OR1J2: variants seen among roughly 807,000 people sequenced by gnomAD.
OR1J2 encodes the protein olfactory receptor family 1 subfamily J member 2.
For synonymous variants in OR1J2, 142 were observed against 99.7 expected (o/e 1.42, Z -2.52); for missense variants, 304 against 246.1 (o/e 1.24, Z -1.57).
At chr9:122,508,184 G>A (rs1320661082), upstream of OR1J2, among the ~76,000 whole-genome samples, 1 of 111,000 alleles carries the variant, frequency 9.0e-6, no homozygotes, top group Admixed American at 8.5e-5. Flanking sequence ...AGGAGAAGGG[G>A]AAGAAGAAGA....
At chr9:122,529,468 T>C in the OR1J2 span, among the ~76,000 whole-genome samples, 2 of 152,094 alleles carry the variant, frequency 1.3e-5, no homozygotes, top group African/African-American at 4.8e-5. Context: ...TCTATGGAGG[T>C]TCTTTGATCT....
At chr9:122,577,936 A>G in the OR1J2 span, among the ~76,000 whole-genome samples, 5 of 152,230 alleles carry the variant, frequency 3.3e-5, no homozygotes, top group Admixed American at 6.5e-5. Flanking sequence ...TATATTGTCT[A>G]TGACCTAGTC....
the OR1J2 span, chr9:122,526,402 C>T: frequency 6.6e-7 from 1 of 1,509,702 alleles, no homozygotes; most frequent in Non-Finnish European, 8.8e-7. Context: ...CTCTTTAGGG[C>T]CCCCTTCATG....
chr9:122,553,839 C>T, the OR1J2 span: 2 of 1,614,084 alleles, frequency 1.2e-6, no homozygotes, highest in Non-Finnish European at 1.7e-6. Flanking sequence ...CTTGCTGTTC[C>T]TCACTGTTCC....
chr9:122,526,109 C>T, the OR1J2 span, among the ~76,000 whole-genome samples: 7 of 152,232 alleles, frequency 4.6e-5, no homozygotes, highest in South Asian at 2.1e-4. Flanking sequence ...AATAGCTATC[C>T]CTTATTGAAC....
the OR1J2 span, among the ~76,000 whole-genome samples, chr9:122,533,626 A>C: frequency 6.6e-6 from 1 of 152,282 alleles, no homozygotes; most frequent in East Asian, 1.9e-4. Flanking sequence ...GGAACTGGGC[A>C]GGTGGGGATA....
the OR1J2 span, among the ~76,000 whole-genome samples, chr9:122,454,013 G>C: frequency 6.6e-6 from 1 of 152,186 alleles, no homozygotes; most frequent in Non-Finnish European, 1.5e-5. Flanking sequence ...CCAACCTACT[G>C]TTGCTTAGGC....
At chr9:122,512,950 T>C (rs113205151), downstream of OR1J2, among the ~76,000 whole-genome samples, 196 of 152,336 alleles carry the variant, frequency 1.3e-3, no homozygotes, top group African/African-American at 4.4e-3. Flanking sequence ...TTATTTCACA[T>C]ACGATGCACA....
chr9:122,566,996 G>A, the OR1J2 span: 1 of 151,814 alleles, frequency 6.6e-6, no homozygotes, highest in Non-Finnish European at 1.5e-5. Context: ...GTATAATAAA[G>A]GAAGGATAGA....
the OR1J2 span, among the ~76,000 whole-genome samples, chr9:122,573,374 A>G: frequency 6.6e-6 from 1 of 152,244 alleles, no homozygotes; most frequent in Non-Finnish European, 1.5e-5. Context: ...AATGGTTATC[A>G]AGAGTGGATA....
chr9:122,566,888 A>T, the OR1J2 span, among the ~76,000 whole-genome samples: 2,810 of 152,282 alleles, frequency 0.018, 81 homozygotes, highest in African/African-American at 0.064. Context: ...GATAATTTCC[A>T]TGTTATCCCT....
the OR1J2 span, chr9:122,568,757 G>A: frequency 3.1e-6 from 1 of 320,504 alleles, no homozygotes; most frequent in East Asian, 5.5e-5. Flanking sequence ...TTCAGACTCA[G>A]TATTTCCTAT....
the OR1J2 span, among the ~76,000 whole-genome samples, chr9:122,498,530 G>A: frequency 1.3e-5 from 2 of 152,038 alleles, no homozygotes; most frequent in Non-Finnish European, 2.9e-5. Flanking sequence ...TTCATTTCCT[G>A]GATAGCTTTA....
chr9:122,553,595 C>T, the OR1J2 span: 5 of 1,614,000 alleles, frequency 3.1e-6, no homozygotes, highest in Non-Finnish European at 4.2e-6. Context: ...GCTATGTGGC[C>T]ATCTGCCAAC....
the OR1J2 span, among the ~76,000 whole-genome samples, chr9:122,533,713 G>C: frequency 2.0e-5 from 3 of 152,148 alleles, no homozygotes; most frequent in Non-Finnish European, 4.4e-5. Context: ...TTAGAAGCCT[G>C]GTCGTCAATA....
the OR1J2 span, among the ~76,000 whole-genome samples, chr9:122,556,933 T>A: frequency 7.2e-6 from 1 of 138,296 alleles, no homozygotes. Flanking sequence ...CTCCTATCAG[T>A]TCTGCAGTTT....
At chr9:122,448,009 A>G in the OR1J2 span, among the ~76,000 whole-genome samples, 2 of 152,166 alleles carry the variant, frequency 1.3e-5, no homozygotes, top group Non-Finnish European at 2.9e-5. Context: ...TAAGACACAG[A>G]GACAAAGTAT....
At chr9:122,565,037 A>G in the OR1J2 span, among the ~76,000 whole-genome samples, 43 of 152,338 alleles carry the variant, frequency 2.8e-4, no homozygotes, top group Non-Finnish European at 5.1e-4. Context: ...CAAGGGACTT[A>G]TACTTCCTCG....
chr9:122,548,110 A>G, the OR1J2 span, among the ~76,000 whole-genome samples: 51,164 of 152,074 alleles, frequency 0.34, 9,075 homozygotes, highest in East Asian at 0.46. Flanking sequence ...AAGCAGAAGT[A>G]TACAAATTTA....
Sources: allele counts gnomAD v4.1 joint callset (sites outside exome capture counted in the v4.1 genomes callset), GRCh38; gene constraint gnomAD v4.1.1; transcripts MANE v1.5; gene names NCBI Gene and HGNC (gene_info 2026-07-23, HGNC 2026-07-21).